The following AAK1 variants were observed in gnomAD, a reference collection of about 807,000 sequenced individuals.
The protein encoded by AAK1 is AP2-associated protein kinase 1.
A neutral mutation model predicts 116.0 loss-of-function variants in AAK1; 37 were observed. The observed-to-expected ratio is 0.32, with a 90% CI of 0.25 to 0.42. The LOEUF (loss-of-function observed/expected upper bound fraction) is 0.42, where lower values mean the gene tolerates loss of function less well. Among genes scored for constraint, AAK1 ranks in the 10% least tolerant of loss-of-function variants. The pLI is 1.00. For missense variants in AAK1, 919 were observed against 1,170.6 expected (o/e 0.79, Z 3.14); for synonymous variants, 458 against 439.9 (o/e 1.04, Z -0.51).
chr2:69,564,018 C>G (rs191835644), intron 2 of AAK1, among the ~76,000 whole-genome samples: 1 of 152,028 alleles, frequency 6.6e-6, no homozygotes, highest in African/African-American at 2.4e-5. Context: ...ATGGTGAAAC[C>G]CTGTCTCTAC....
intron 2 of AAK1, among the ~76,000 whole-genome samples, chr2:69,629,710 G>A (rs1482985407): frequency 6.6e-6 from 1 of 152,188 alleles, no homozygotes; most frequent in African/African-American, 2.4e-5. Context: ...CTGATTTACT[G>A]TAATATTCAT....
At chr2:69,521,620 G>A (rs1669781593) in intron 10 of AAK1, among the ~76,000 whole-genome samples, 2 of 152,126 alleles carry the variant, frequency 1.3e-5, no homozygotes, top group Non-Finnish European at 2.9e-5. Context: ...GTTTTAGCTG[G>A]GCACAGGGTC....
chr2:69,599,741 C>A (rs1349272085), intron 2 of AAK1, among the ~76,000 whole-genome samples: 2 of 151,916 alleles, frequency 1.3e-5, no homozygotes, highest in East Asian at 1.9e-4. Context: ...GAATTATTGC[C>A]TTGTTTTTAA....
intron 2 of AAK1, among the ~76,000 whole-genome samples, chr2:69,614,680 T>C (rs538681568): frequency 1.6e-4 from 25 of 152,318 alleles, no homozygotes; most frequent in Middle Eastern, 3.4e-3. Flanking sequence ...TGTGACCTTA[T>C]ATAGAAAAAG....
chr2:69,557,494 G>A (rs1671437282), intron 2 of AAK1, among the ~76,000 whole-genome samples: 3 of 151,972 alleles, frequency 2.0e-5, no homozygotes, highest in Non-Finnish European at 4.4e-5. Flanking sequence ...GTAGAGAAGT[G>A]CTTTTGCTAT....
intron 14 of AAK1, 139 bp from the exon 15 acceptor site, chr2:69,507,717 T>A: frequency 1.0e-6 from 1 of 961,240 alleles, no homozygotes. Context: ...ATTTTTTTTT[T>A]TTTTTTTGAG....
At chr2:69,531,510 C>G (rs1226545070) in intron 6 of AAK1, 12 of 904,138 alleles carry the variant, frequency 1.3e-5, no homozygotes, top group Non-Finnish European at 1.6e-5. Flanking sequence ...GAAAATGGGT[C>G]AGGCTCTTAT....
chr2:69,465,852 G>T lies in AAK1; in HGVS notation c.*10017C>A. The T allele has an allele frequency of 7.7e-7, 1 of 1,290,896 alleles. No homozygotes were observed. The highest frequency in any genetic ancestry group is 1.0e-6 in the Non-Finnish European group (1 of 988,878). The allele number at this position is 1,290,896 out of a possible 1,614,324, so 80.0% of individuals were successfully genotyped here. On this transcript the variant is annotated 3_prime_UTR_variant, in exon 22 of 22. Transcript: ENST00000409085. ...TGTGGAATACTGAGCTTGGACAGAGGTGTACACAGCTCTCTCACGGCCCGC... is the reference window on the plus strand; with the variant it reads ...TGTGGAATACTGAGCTTGGACAGAGTTGTACACAGCTCTCTCACGGCCCGC...
chr2:69,479,435 AG>A (rs1264950228), intron 19 of AAK1, among the ~76,000 whole-genome samples: 16 of 152,188 alleles, frequency 1.1e-4, no homozygotes, highest in Non-Finnish European at 8.8e-5. Flanking sequence ...CTGGTTAAAT[AG>A]GTCTGTGATT....
intron 8 of AAK1, among the ~76,000 whole-genome samples, chr2:69,527,938 T>C (rs953492230): frequency 6.6e-6 from 1 of 152,102 alleles, no homozygotes; most frequent in Non-Finnish European, 1.5e-5. Flanking sequence ...CACATACACA[T>C]GCAAACAACA....
chr2:69,497,292 A>ATT (rs1675782600), intron 16 of AAK1, among the ~76,000 whole-genome samples: 4 of 107,420 alleles, frequency 3.7e-5, no homozygotes, highest in African/African-American at 1.3e-4. Flanking sequence ...TTACATTATC[A>ATT]TTCTTTTTTT....
intron 3 of AAK1, among the ~76,000 whole-genome samples, chr2:69,550,781 A>G (rs1488741448): frequency 6.6e-6 from 1 of 151,864 alleles, no homozygotes; most frequent in Non-Finnish European, 1.5e-5. Context: ...ACGCCCGGCT[A>G]ATTTTTGTAC....
Position 69,468,914 on chromosome 2 carries a change from C to A in AAK1, c.*6955G>T. The stretch of plus-strand genomic sequence containing the variant: ...TTCCAACTCAGAGCATATTCTATGA[C>A]CTTCATGATGAGTACTGGGAAAATC... On this transcript the variant is annotated 3_prime_UTR_variant, in exon 22 of 22. Coordinates refer to ENST00000409085, the MANE Select transcript of AAK1 (RefSeq NM_014911.5). The A allele has an allele frequency of 1.0e-6, 1 of 985,360 alleles. No individual in the cohort carries two copies. Among genetic ancestry groups the A allele is most frequent in the Non-Finnish European group, 1.2e-6 (1 of 829,926 alleles). 61.0% of individuals were successfully genotyped at this position (985,360 alleles called of 1,614,324 possible).
intron 2 of AAK1, among the ~76,000 whole-genome samples, chr2:69,566,945 T>C (rs891186982): frequency 6.6e-6 from 1 of 152,154 alleles, no homozygotes; most frequent in Non-Finnish European, 1.5e-5. Context: ...TAGAGAGATA[T>C]GCTGAAAGAC....
intron 16 of AAK1, among the ~76,000 whole-genome samples, chr2:69,505,239 C>T (rs992852888): frequency 8.6e-5 from 13 of 151,994 alleles, no homozygotes; most frequent in African/African-American, 2.4e-4. Flanking sequence ...AAATTACAAG[C>T]AATGAACACT....
intron 17 of AAK1, among the ~76,000 whole-genome samples, chr2:69,483,602 G>A (rs964976340): frequency 2.6e-5 from 4 of 151,652 alleles, no homozygotes; most frequent in African/African-American, 4.8e-5. Context: ...CTCTTTTTTC[G>A]GGGGTTGGGG....
At chr2:69,564,775 T>C (rs1188952074) in intron 2 of AAK1, among the ~76,000 whole-genome samples, 1 of 152,172 alleles carries the variant, frequency 6.6e-6, no homozygotes, top group Non-Finnish European at 1.5e-5. Context: ...GACCACGTGA[T>C]TGTATCAACC....
chr2:69,618,134 G>A (rs1674424959), intron 2 of AAK1, among the ~76,000 whole-genome samples: 1 of 152,082 alleles, frequency 6.6e-6, no homozygotes, highest in Admixed American at 6.6e-5. Flanking sequence ...ACCAGGTCCT[G>A]AAGATGCCTC....
intron 3 of AAK1, among the ~76,000 whole-genome samples, chr2:69,550,915 C>T (rs948801135): frequency 6.6e-5 from 10 of 152,122 alleles, no homozygotes; most frequent in South Asian, 4.1e-4. Context: ...AGTGCCCAGC[C>T]GTCATTCATT....
Sources: gnomAD v4.1 joint callset for allele counts (sites outside exome capture counted in the v4.1 genomes callset) on GRCh38, gnomAD v4.1.1 for gene constraint, MANE v1.5 for transcripts, NCBI Gene and HGNC (gene_info 2026-07-23, HGNC 2026-07-21) for gene names.